The following AGMO variants were observed in gnomAD, a reference collection of about 807,000 sequenced individuals.
AGMO encodes alkylglycerol monooxygenase.
AGMO carries 75 observed loss-of-function variants against 60.2 expected under a neutral mutation model. The observed-to-expected ratio is 1.25, with a 90% CI of 1.03 to 1.51. The LOEUF is 1.51. Ranked by LOEUF, AGMO falls within the 40% of genes most tolerant of loss-of-function variation. The pLI is 0.00. For missense variants in AGMO, 763 were observed against 525.5 expected (o/e 1.45, Z -4.42); for synonymous variants, 261 against 177.1 (o/e 1.47, Z -3.76).
At chr7:15,153,640 T>C in the AGMO span, among the ~76,000 whole-genome samples, 16 of 152,184 alleles carry the variant, frequency 1.1e-4, no homozygotes, top group Non-Finnish European at 1.3e-4. Flanking sequence ...TTGCTGAAGA[T>C]CAGTTGACTG....
At chr7:15,304,299 C>T (rs189077479) in intron 12 of AGMO, among the ~76,000 whole-genome samples, 1 of 152,250 alleles carries the variant, frequency 6.6e-6, no homozygotes, top group East Asian at 1.9e-4. Context: ...TCGATCCCCT[C>T]AACTCCCTTG....
chr7:15,146,145 T>A, the AGMO span, among the ~76,000 whole-genome samples: 2 of 152,180 alleles, frequency 1.3e-5, no homozygotes, highest in Non-Finnish European at 2.9e-5. Context: ...AACCACATGG[T>A]TAATTCTATA....
At position 15,493,253 on chromosome 7, in the gene AGMO, T is replaced by C. The variant is rs538306194; in HGVS notation, c.409+51519A>G. Among the ~76,000 whole-genome samples, 107 of 151,858 alleles carry C rather than the reference T, an allele frequency of 7.0e-4. 1 individual carries two copies. The highest frequency in any genetic ancestry group is 2.4e-3 in the African/African-American group (101 of 41,398). ...GCTTGTTTGTTTTTTTTGCGTTTTG[T>C]CCATATGTTTTGTTAGTCTCATTCT... On this transcript the variant is annotated intron_variant, in intron 3 of 12. Transcript: ENST00000342526.
At chr7:15,169,638 T>C in the AGMO span, among the ~76,000 whole-genome samples, 90 of 152,218 alleles carry the variant, frequency 5.9e-4, 1 homozygote, top group African/African-American at 2.1e-3. Flanking sequence ...GGTTTCACTA[T>C]ATTGGCCAGG....
At chr7:15,255,763 A>G (rs1242395784) in intron 12 of AGMO, among the ~76,000 whole-genome samples, 5 of 152,220 alleles carry the variant, frequency 3.3e-5, no homozygotes, top group Non-Finnish European at 7.3e-5. Context: ...GATAAAGGCC[A>G]TATCATTTCT....
the AGMO span, among the ~76,000 whole-genome samples, chr7:15,166,475 C>A: frequency 6.6e-6 from 1 of 152,168 alleles, no homozygotes; most frequent in South Asian, 2.1e-4. Flanking sequence ...ATACAATGTC[C>A]CTTTGGACAG....
rs1473895536 is a variant in AGMO at position 15,322,691 on chromosome 7, T to C, written c.1263+42823A>G. 3.5e-5 allele frequency among the ~76,000 whole-genome samples: 2 copies of C among 56,904 alleles called. 1 individual carries two copies. The highest frequency in any genetic ancestry group is 5.6e-5 in the Non-Finnish European group (2 of 35,992). The allele number at this position is 56,904 out of a possible 152,430, so 37.3% of individuals were successfully genotyped here. On this transcript the variant is annotated intron_variant, in intron 12 of 12. Transcript: ENST00000342526. Reference sequence around the variant, plus strand: ...ATATAAATATATGTATATATAAATATATGAATATGTATAAATATATATAAA... The same window carrying C: ...ATATAAATATATGTATATATAAATACATGAATATGTATAAATATATATAAA...
chr7:15,199,640 T>C (rs1781221300), downstream of AGMO, among the ~76,000 whole-genome samples: 1 of 152,150 alleles, frequency 6.6e-6, no homozygotes, highest in Non-Finnish European at 1.5e-5. Flanking sequence ...TGTTTATGCC[T>C]TAAATTTCCT....
intron 12 of AGMO, chr7:15,306,418 T>C (rs1304980552): frequency 7.1e-6 from 3 of 420,194 alleles, no homozygotes; most frequent in African/African-American, 6.4e-5. Context: ...AAAAATAGTT[T>C]GGTAGAGAAC....
At chr7:15,237,050 A>G (rs1027943962) in intron 12 of AGMO, among the ~76,000 whole-genome samples, 1 of 152,178 alleles carries the variant, frequency 6.6e-6, no homozygotes, top group African/African-American at 2.4e-5. Flanking sequence ...TCCTTTGAAT[A>G]CCTTTTTAAA....
intron 12 of AGMO, among the ~76,000 whole-genome samples, chr7:15,362,886 T>C (rs188580778): frequency 2.8e-4 from 42 of 152,342 alleles, no homozygotes; most frequent in African/African-American, 9.9e-4. Flanking sequence ...TTATCATCAT[T>C]ACATGGACGA....
chr7:15,354,345 C>CGTGTATATAGACGCGTGTATATAGACGT (rs1782382037), intron 12 of AGMO, among the ~76,000 whole-genome samples: 1 of 44,238 alleles, frequency 2.3e-5, no homozygotes, highest in Non-Finnish European at 4.3e-5. Flanking sequence ...TATATACACG[C>CGTGTATATAGACGCGTGTATATAGACGT]GTGTATATAG....
chr7:15,417,166 C>T (rs967413442), intron 5 of AGMO, among the ~76,000 whole-genome samples: 12 of 152,226 alleles, frequency 7.9e-5, no homozygotes, highest in African/African-American at 2.4e-4. Context: ...ACTGTAGGAA[C>T]CCACACATAG....
chr7:15,255,448 A>C (rs1783066585), intron 12 of AGMO, among the ~76,000 whole-genome samples: 1 of 151,178 alleles, frequency 6.6e-6, no homozygotes, highest in Non-Finnish European at 1.5e-5. Context: ...TTTACAAACT[A>C]TTTCAAAAAA....
intron 5 of AGMO, among the ~76,000 whole-genome samples, chr7:15,398,569 G>T (rs1784472055): frequency 6.6e-6 from 1 of 152,112 alleles, no homozygotes; most frequent in Non-Finnish European, 1.5e-5. Context: ...TAAGGGTTGA[G>T]CATAACGGCT....
At chr7:15,498,997 G>A (rs1025817406) in intron 3 of AGMO, among the ~76,000 whole-genome samples, 20 of 151,892 alleles carry the variant, frequency 1.3e-4, no homozygotes, top group African/African-American at 2.4e-5. Context: ...GCTGAGAGTA[G>A]AAAATATTAG....
At chr7:15,396,543 C>T (rs941715817) in intron 5 of AGMO, 5 of 152,258 alleles carry the variant, frequency 3.3e-5, no homozygotes, top group Admixed American at 6.5e-5. Flanking sequence ...AAGAACAAAG[C>T]TACCACAACG....
At chr7:15,161,226 A>C in the AGMO span, among the ~76,000 whole-genome samples, 1 of 152,306 alleles carries the variant, frequency 6.6e-6, no homozygotes, top group Non-Finnish European at 1.5e-5. Flanking sequence ...TTAAATCAGT[A>C]CACTTTGAAT....
chr7:15,275,071 T>G (rs1783740614), intron 12 of AGMO, among the ~76,000 whole-genome samples: 1 of 152,118 alleles, frequency 6.6e-6, no homozygotes, highest in Non-Finnish European at 1.5e-5. Flanking sequence ...GTTTGTTATT[T>G]CTTTTCTTTT....
Sources: gnomAD v4.1 joint callset for allele counts (sites outside exome capture counted in the v4.1 genomes callset) on GRCh38, gnomAD v4.1.1 for gene constraint, MANE v1.5 for transcripts, NCBI Gene and HGNC (gene_info 2026-07-23, HGNC 2026-07-21) for gene names.